Variants in SULF1 observed in about 807,000 individuals in gnomAD.
SULF1 encodes the protein sulfatase 1.
In SULF1, 46 loss-of-function variants were observed where a neutral mutation model predicts 110.5. That is an observed-to-expected ratio of 0.42 (90% CI 0.33 to 0.53). The LOEUF is 0.53. SULF1 is among the 20% of genes least tolerant of loss of function. The pLI is 0.12. For synonymous variants in SULF1, 371 were observed against 387.1 expected (o/e 0.96, Z 0.49); for missense variants, 941 against 1,094.2 (o/e 0.86, Z 1.98).
intron 8 of SULF1, among the ~76,000 whole-genome samples, chr8:69,589,430 C>T (rs530434502): frequency 6.6e-6 from 1 of 152,198 alleles, no homozygotes; most frequent in Non-Finnish European, 1.5e-5. Flanking sequence ...ACAAGAGTTT[C>T]CTTTCGTTGT....
chr8:69,604,965 A>T, intron 13 of SULF1, 33 bp downstream of exon 13: 1 of 1,606,958 alleles, frequency 6.2e-7, no homozygotes, highest in Non-Finnish European at 8.5e-7. Flanking sequence ...ACCACCACTC[A>T]TGTGCTTCTC....
At chr8:69,633,473 C>A (rs111250928) in intron 19 of SULF1, among the ~76,000 whole-genome samples, 3 of 151,452 alleles carry the variant, frequency 2.0e-5, no homozygotes, top group Admixed American at 1.3e-4. Context: ...GGATTACAGG[C>A]GGCCACCACC....
rs74496020 is a variant in SULF1, at chr8:69,533,048, T to C, written c.-133-30491T>C. Among the ~76,000 whole-genome samples, 1,431 of 152,308 alleles carry C rather than the reference T, an allele frequency of 9.4e-3. 23 individuals carry two copies. The highest frequency in any genetic ancestry group is 0.031 in the African/African-American group (1,303 of 41,558). ...GTATGGCCACATGATCAAGAACACT[T>C]GCTTGGCTCTTATTGCCTCTAATAG... On this transcript the variant is annotated intron_variant, in intron 3 of 22. Coordinates refer to ENST00000402687, the MANE Select transcript of SULF1 (RefSeq NM_001128205.2).
At chr8:69,497,401 C>T (rs547717312) in intron 2 of SULF1, among the ~76,000 whole-genome samples, 3 of 152,098 alleles carry the variant, frequency 2.0e-5, no homozygotes, top group Non-Finnish European at 4.4e-5. Flanking sequence ...CATGATCCAC[C>T]CACCTCACCC....
chr8:69,641,547 C>G (rs1256343106), intron 22 of SULF1, among the ~76,000 whole-genome samples: 1 of 151,996 alleles, frequency 6.6e-6, no homozygotes, highest in Non-Finnish European at 1.5e-5. Flanking sequence ...GAGTTTGAGA[C>G]TAGCTTGGGC....
chr8:69,578,556 AC>A (rs1805803533), intron 6 of SULF1, among the ~76,000 whole-genome samples: 1 of 130,990 alleles, frequency 7.6e-6, no homozygotes, highest in Non-Finnish European at 1.5e-5. Context: ...CGGCACCGGG[AC>A]CTTAGTCTTC....
intron 3 of SULF1, among the ~76,000 whole-genome samples, chr8:69,502,749 G>A (rs1189820151): frequency 6.9e-6 from 1 of 144,252 alleles, no homozygotes. Context: ...GTGTAGTGGT[G>A]TGATCTTGGC....
chr8:69,505,347 G>C (rs912249731), intron 3 of SULF1, among the ~76,000 whole-genome samples: 1 of 152,088 alleles, frequency 6.6e-6, no homozygotes, highest in African/African-American at 2.4e-5. Flanking sequence ...GGCCTTTATT[G>C]TACCTTCTGG....
intron 1 of SULF1, among the ~76,000 whole-genome samples, chr8:69,475,355 A>G (rs77768336): frequency 6.6e-6 from 1 of 152,078 alleles, no homozygotes; most frequent in Non-Finnish European, 1.5e-5. Flanking sequence ...GTGAGCAGAG[A>G]CAGAGAGAGA....
At chr8:69,598,110 C>CAAAA (rs35655573) in intron 8 of SULF1, among the ~76,000 whole-genome samples, 1 of 139,310 alleles carries the variant, frequency 7.2e-6, no homozygotes. Context: ...TCTTTCAGGC[C>CAAAA]AAAAAAAAAA....
chr8:69,574,563 A>G (rs1362351437), intron 5 of SULF1, among the ~76,000 whole-genome samples: 1 of 152,174 alleles, frequency 6.6e-6, no homozygotes. Flanking sequence ...AATATCCCCA[A>G]GTGATTTTTC....
chr8:69,545,938 G>A (rs552867799), intron 3 of SULF1, among the ~76,000 whole-genome samples: 12 of 152,154 alleles, frequency 7.9e-5, no homozygotes, highest in East Asian at 3.9e-4. Context: ...CAGGTGATCC[G>A]CCCACCTCGG....
chr8:69,570,788 G>A (rs1397970289), intron 5 of SULF1, among the ~76,000 whole-genome samples: 1 of 152,194 alleles, frequency 6.6e-6, no homozygotes, highest in Admixed American at 6.5e-5. Flanking sequence ...TCAGCATCCT[G>A]GTCCACAGCC....
At chr8:69,582,688 GAAAA>G (rs3059986) in intron 6 of SULF1, among the ~76,000 whole-genome samples, 2 of 136,742 alleles carry the variant, frequency 1.5e-5, no homozygotes, top group South Asian at 2.3e-4. Flanking sequence ...TGCCTTCTTG[GAAAA>G]AAAAAAAAAA....
intron 18 of SULF1, 92 bp downstream of exon 18, chr8:69,628,328 C>A: frequency 1.9e-6 from 2 of 1,067,626 alleles, no homozygotes; most frequent in Non-Finnish European, 1.4e-6. Flanking sequence ...GTGTTTCCTG[C>A]AGTGCCGCTT....
chr8:69,531,504 A>G (rs1434819539), intron 3 of SULF1, among the ~76,000 whole-genome samples: 1 of 152,160 alleles, frequency 6.6e-6, no homozygotes, highest in East Asian at 1.9e-4. Context: ...TGGAGAAAAA[A>G]ATAAATCATT....
At chr8:69,542,614 C>G (rs1054076458) in intron 3 of SULF1, among the ~76,000 whole-genome samples, 3 of 151,700 alleles carry the variant, frequency 2.0e-5, no homozygotes, top group African/African-American at 7.3e-5. Flanking sequence ...AACCTTTGTA[C>G]AGTGTAAGTT....
chr8:69,585,769 C>A (rs1806412429), intron 6 of SULF1, among the ~76,000 whole-genome samples: 1 of 152,158 alleles, frequency 6.6e-6, no homozygotes, highest in African/African-American at 2.4e-5. Flanking sequence ...ATACACATAA[C>A]ATAAACACCC....
At chr8:69,512,743 A>G (rs1278520349) in intron 3 of SULF1, among the ~76,000 whole-genome samples, 3 of 151,116 alleles carry the variant, frequency 2.0e-5, no homozygotes, top group Admixed American at 1.3e-4. Flanking sequence ...TGGCCCTAAC[A>G]TATCTCATCT....
Sources: gnomAD v4.1 joint callset for allele counts (sites outside exome capture counted in the v4.1 genomes callset) on GRCh38, gnomAD v4.1.1 for gene constraint, MANE v1.5 for transcripts, NCBI Gene and HGNC (gene_info 2026-07-23, HGNC 2026-07-21) for gene names.